RBMS3: variants seen among roughly 807,000 people sequenced by gnomAD.
The protein encoded by RBMS3 is RNA binding motif single stranded interacting protein 3.
In RBMS3, 27 loss-of-function variants were observed where a neutral mutation model predicts 66.8. The ratio of observed to expected loss-of-function variants is 0.40; its 90% CI spans 0.30 to 0.56. RBMS3 has a LOEUF of 0.56. Among genes scored for constraint, RBMS3 ranks in the 20% least tolerant of loss-of-function variants. The probability of loss-of-function intolerance (pLI) is 0.40; values close to 1 mark genes in which losing one functional copy is unlikely to be tolerated. For synonymous variants in RBMS3, 188 were observed against 183.0 expected, an observed-to-expected ratio of 1.03 and a Z score of -0.22; for missense variants, 513 against 549.5, an observed-to-expected ratio of 0.93 and a Z score of 0.66.
intron 4 of RBMS3, among the ~76,000 whole-genome samples, chr3:29,664,104 G>C (rs2050662155): frequency 6.6e-6 from 1 of 152,126 alleles, no homozygotes; most frequent in Admixed American, 6.6e-5. Context: ...CCACTTTTCA[G>C]ATGGAAAGAG....
chr3:29,400,649 G>T (rs192194504), intron 1 of RBMS3, among the ~76,000 whole-genome samples: 2 of 151,888 alleles, frequency 1.3e-5, no homozygotes, highest in Non-Finnish European at 2.9e-5. Context: ...ATTGGGAAAA[G>T]GACCTACTTA....
intron 1 of RBMS3, among the ~76,000 whole-genome samples, chr3:29,394,053 C>T (rs957682987): frequency 2.0e-5 from 3 of 152,084 alleles, no homozygotes; most frequent in Non-Finnish European, 4.4e-5. Context: ...TAGAATTTGC[C>T]AGGCTGGAAT....
chr3:29,456,108 A>G (rs2042182171), intron 2 of RBMS3, among the ~76,000 whole-genome samples: 1 of 152,244 alleles, frequency 6.6e-6, no homozygotes, highest in Non-Finnish European at 1.5e-5. Context: ...AATATTTAAT[A>G]TGATAGTCAC....
chr3:29,660,000 C>T (rs1576458974), intron 4 of RBMS3, among the ~76,000 whole-genome samples: 1 of 152,070 alleles, frequency 6.6e-6, no homozygotes, highest in East Asian at 1.9e-4. Context: ...TCTTTAATTT[C>T]TTTCAGTAAT....
At chr3:29,648,956 A>C (rs2050044876) in intron 4 of RBMS3, among the ~76,000 whole-genome samples, 2 of 152,150 alleles carry the variant, frequency 1.3e-5, no homozygotes, top group African/African-American at 4.8e-5. Flanking sequence ...GAACCAATGC[A>C]ACTTCACCAC....
chr3:29,868,084 G>T (rs549625463), intron 6 of RBMS3, among the ~76,000 whole-genome samples: 25 of 151,620 alleles, frequency 1.6e-4, no homozygotes, highest in African/African-American at 5.6e-4. Context: ...GAATAATTTT[G>T]CCCTGTTGGG....
chr3:29,671,924 T>C (rs2051019537), intron 4 of RBMS3, among the ~76,000 whole-genome samples: 1 of 151,978 alleles, frequency 6.6e-6, no homozygotes, highest in African/African-American at 2.4e-5. Context: ...ATTAAGGAAA[T>C]ACATAGAACA....
At chr3:29,635,525 G>A (rs548119523) in intron 4 of RBMS3, among the ~76,000 whole-genome samples, 3 of 151,838 alleles carry the variant, frequency 2.0e-5, no homozygotes, top group Non-Finnish European at 4.4e-5. Flanking sequence ...GCCAGCATCA[G>A]CTTTCACCAG....
At chr3:29,603,668 A>G (rs1559502799) in intron 4 of RBMS3, among the ~76,000 whole-genome samples, 1 of 151,980 alleles carries the variant, frequency 6.6e-6, no homozygotes. Flanking sequence ...GCATATGCAT[A>G]GACTGCTTAG....
At chr3:29,928,358 G>T (rs1179534251) in intron 10 of RBMS3, among the ~76,000 whole-genome samples, 1 of 41,070 alleles carries the variant, frequency 2.4e-5, no homozygotes, top group East Asian at 8.2e-3. Context: ...AGAGATCAAT[G>T]GTTTTCTTTC....
At chr3:29,771,452 G>C (rs772068109) in intron 6 of RBMS3, among the ~76,000 whole-genome samples, 1 of 151,980 alleles carries the variant, frequency 6.6e-6, no homozygotes, top group Non-Finnish European at 1.5e-5. Context: ...CAAATACCTA[G>C]TTGTGGTAGA....
intron 4 of RBMS3, among the ~76,000 whole-genome samples, chr3:29,603,141 C>T (rs530557613): frequency 1.3e-5 from 2 of 152,110 alleles, no homozygotes; most frequent in South Asian, 2.1e-4. Context: ...TCTGAACCAA[C>T]CACAGTGCCT....
At chr3:29,958,723 G>A (rs535091416) in intron 12 of RBMS3, among the ~76,000 whole-genome samples, 28 of 152,268 alleles carry the variant, frequency 1.8e-4, no homozygotes, top group Non-Finnish European at 3.7e-4. Context: ...ATGCTAAAGC[G>A]TCTATTTGTG....
At chr3:29,933,215 A>C (rs1357171921) in intron 10 of RBMS3, among the ~76,000 whole-genome samples, 1 of 152,300 alleles carries the variant, frequency 6.6e-6, no homozygotes, top group East Asian at 1.9e-4. Context: ...TAAATATATT[A>C]AGTTGGAGTG....
intron 4 of RBMS3, among the ~76,000 whole-genome samples, chr3:29,635,358 A>G (rs2049437629): frequency 6.6e-6 from 1 of 151,852 alleles, no homozygotes; most frequent in Non-Finnish European, 1.5e-5. Context: ...TGGCAGTACC[A>G]TCCTTCTAGT....
chr3:29,348,710 C>T (rs1369805236), intron 1 of RBMS3, among the ~76,000 whole-genome samples: 1 of 152,124 alleles, frequency 6.6e-6, no homozygotes, highest in Non-Finnish European at 1.5e-5. Flanking sequence ...TCGTAAACTC[C>T]CTGAGCTCCA....
Position 29,734,536 on chromosome 3 carries a change from G to T in RBMS3, c.400-5184G>T, listed in dbSNP as rs535608171. 1.1e-3 allele frequency among the ~76,000 whole-genome samples: 172 copies of T among 151,978 alleles called. 1 individual carries two copies. The highest frequency in any genetic ancestry group is 3.5e-3 in the South Asian group (17 of 4,808). ...ACATACATTTGTACAATTATTACTG[G>T]CCAATTAAAAATGTTTTTTAAAAAG... On this transcript the variant is annotated intron_variant, in intron 4 of 14. Transcript: ENST00000383767.
At chr3:29,701,476 G>T (rs1005337635) in intron 4 of RBMS3, among the ~76,000 whole-genome samples, 1 of 152,108 alleles carries the variant, frequency 6.6e-6, no homozygotes. Flanking sequence ...CACTCTGGCC[G>T]TGCTTGAGGA....
chr3:29,379,664 CACA>C lies in RBMS3; in HGVS notation c.76-55074_76-55072del, dbSNP rs569872656. Among the ~76,000 whole-genome samples the C allele has an allele frequency of 1.5e-3, 223 of 152,306 alleles. 1 individual carries two copies. Among genetic ancestry groups the C allele is most frequent in the African/African-American group, 4.9e-3 (204 of 41,578 alleles). The stretch of plus-strand genomic sequence containing the variant: ...CAGTTGCCTCCCACCAGGTCCCTCC[CACA>C]ACAAGTGGGAATTCAAGATGAGATT... On this transcript the variant is annotated intron_variant, in intron 1 of 14. Transcript: ENST00000383767.
Sources: gnomAD v4.1 joint callset for allele counts (sites outside exome capture counted in the v4.1 genomes callset) on GRCh38, gnomAD v4.1.1 for gene constraint, MANE v1.5 for transcripts, NCBI Gene and HGNC (gene_info 2026-07-23, HGNC 2026-07-21) for gene names.